Variants in NRXN1 observed in about 807,000 individuals in gnomAD.
NRXN1 encodes neurexin 1.
In NRXN1, 39 loss-of-function variants were observed where a neutral mutation model predicts 150.9. That is an observed-to-expected ratio of 0.26 (90% confidence interval 0.20 to 0.34). The LOEUF (loss-of-function observed/expected upper bound fraction) is 0.34, where lower values mean the gene tolerates loss of function less well. Among genes scored for constraint, NRXN1 ranks in the 10% least tolerant of loss-of-function variants. The pLI is 1.00. For missense variants in NRXN1, 1,815 were observed against 1,949.9 expected (o/e 0.93, Z 1.30); for synonymous variants, 924 against 757.0 (o/e 1.22, Z -3.62).
chr2:51,004,076 A>G (rs1700402964), intron 2 of NRXN1, among the ~76,000 whole-genome samples: 1 of 151,756 alleles, frequency 6.6e-6, no homozygotes, highest in African/African-American at 2.4e-5. Flanking sequence ...GGGGAAAAAA[A>G]AAAAAACTTA....
At chr2:50,645,085 C>T (rs564002107) in intron 5 of NRXN1, among the ~76,000 whole-genome samples, 2 of 151,918 alleles carry the variant, frequency 1.3e-5, no homozygotes, top group African/African-American at 4.8e-5. Context: ...AAGAGTCACC[C>T]CAGTCACTAA....
chr2:50,279,167 G>C (rs774756646), intron 17 of NRXN1, among the ~76,000 whole-genome samples: 1 of 152,112 alleles, frequency 6.6e-6, no homozygotes, highest in Admixed American at 6.5e-5. Context: ...GTTACTACTT[G>C]TACCTTTTCC....
chr2:50,294,256 G>C (rs550792783), intron 17 of NRXN1, among the ~76,000 whole-genome samples: 11 of 152,264 alleles, frequency 7.2e-5, no homozygotes, highest in African/African-American at 2.4e-4. Flanking sequence ...TTGCCAGGTA[G>C]TTATCTGTAT....
In NRXN1 at chr2:50,662,960, A is replaced by G. The variant is rs117418299; in HGVS notation, c.833-39345T>C. Among the ~76,000 whole-genome samples, 101 of 152,140 alleles carry G rather than the reference A, an allele frequency of 6.6e-4. 1 individual carries two copies. The East Asian group carries it at 0.019, about 28-fold the overall frequency. ...ATTCTCATTTATTTGACCTGGCAAG[A>G]CATCCAGAAAGCCTAATTTTTAACA... On this transcript the variant is annotated intron_variant, in intron 5 of 22. Transcript: ENST00000401669.
intron 2 of NRXN1, among the ~76,000 whole-genome samples, chr2:50,947,230 C>T (rs989035568): frequency 2.0e-5 from 3 of 151,912 alleles, no homozygotes; most frequent in Non-Finnish European, 2.9e-5. Context: ...AACATGATAC[C>T]CTTTTTCTAG....
chr2:50,888,064 CAA>C lies in NRXN1; in HGVS notation c.832+33803_832+33804del, dbSNP rs199716943. On this transcript the variant is annotated intron_variant, in intron 5 of 22. Coordinates refer to ENST00000401669, the MANE Select transcript of NRXN1 (RefSeq NM_001330078.2). ...TGGTCACCATTTCTACACTGAGAAA[CAA>C]TGATATCTGTCTTAATCTTTCAAGA... Among the ~76,000 whole-genome samples, 1,486 of 150,996 alleles carry C rather than the reference CAA, an allele frequency of 9.8e-3. 27 individuals carry two copies. The highest frequency in any genetic ancestry group is 0.034 in the African/African-American group (1,391 of 41,294).
chr2:50,090,403 T>C (rs565550000), intron 19 of NRXN1, among the ~76,000 whole-genome samples: 1 of 152,302 alleles, frequency 6.6e-6, no homozygotes, highest in South Asian at 2.1e-4. Context: ...TTTTTCTTTA[T>C]ACTGTGTTAT....
intron 5 of NRXN1, among the ~76,000 whole-genome samples, chr2:50,897,906 C>A (rs1443926503): frequency 6.6e-6 from 1 of 151,812 alleles, no homozygotes; most frequent in Non-Finnish European, 1.5e-5. Flanking sequence ...CTGTATTCCT[C>A]CATAAAATTG....
At chr2:50,806,842 C>A (rs976573796) in intron 5 of NRXN1, among the ~76,000 whole-genome samples, 3 of 152,016 alleles carry the variant, frequency 2.0e-5, no homozygotes, top group African/African-American at 7.2e-5. Flanking sequence ...TTGAATATAA[C>A]CTCTTTTGTA....
chr2:50,978,749 C>T (rs1696315032), intron 2 of NRXN1, among the ~76,000 whole-genome samples: 1 of 151,974 alleles, frequency 6.6e-6, no homozygotes, highest in African/African-American at 2.4e-5. Flanking sequence ...CAAATCACTT[C>T]ACACTTCTTT....
intron 17 of NRXN1, among the ~76,000 whole-genome samples, chr2:50,446,148 G>C (rs1352599264): frequency 6.6e-6 from 1 of 151,996 alleles, no homozygotes; most frequent in East Asian, 1.9e-4. Flanking sequence ...AAAGAAAGGT[G>C]TGCCTTCATC....
intron 21 of NRXN1, among the ~76,000 whole-genome samples, chr2:49,968,005 T>C (rs781065931): frequency 5.9e-5 from 9 of 152,072 alleles, no homozygotes; most frequent in South Asian, 2.1e-4. Context: ...AATAATACTA[T>C]TGATGACCAT....
intron 22 of NRXN1, among the ~76,000 whole-genome samples, chr2:49,928,042 G>A (rs112937097): frequency 2.6e-5 from 4 of 151,786 alleles, no homozygotes; most frequent in African/African-American, 9.7e-5. Flanking sequence ...TGATGACAAT[G>A]GAAATTCAGC....
chr2:50,790,948 C>T (rs1165847280), intron 5 of NRXN1, among the ~76,000 whole-genome samples: 8 of 151,918 alleles, frequency 5.3e-5, no homozygotes, highest in Admixed American at 5.2e-4. Flanking sequence ...TGGAGCACTT[C>T]AGATTTCAGA....
At chr2:50,387,305 G>A (rs1027100056) in intron 17 of NRXN1, among the ~76,000 whole-genome samples, 5 of 152,110 alleles carry the variant, frequency 3.3e-5, no homozygotes, top group African/African-American at 4.8e-5. Context: ...CAATTATAAT[G>A]GACTTCAGGG....
At chr2:50,048,232 CAA>C (rs1368994577) in intron 21 of NRXN1, among the ~76,000 whole-genome samples, 4 of 152,046 alleles carry the variant, frequency 2.6e-5, no homozygotes, top group Non-Finnish European at 5.9e-5. Context: ...AAATACACAT[CAA>C]AGTGTTTTTC....
At chr2:50,062,772 G>A (rs1294837138) in intron 19 of NRXN1, among the ~76,000 whole-genome samples, 8 of 152,030 alleles carry the variant, frequency 5.3e-5, no homozygotes, top group African/African-American at 1.7e-4. Context: ...TTTCATTTTA[G>A]TTCTTCACTC....
chr2:50,228,960 C>T (rs1665080828), intron 18 of NRXN1, among the ~76,000 whole-genome samples: 1 of 152,004 alleles, frequency 6.6e-6, no homozygotes, highest in African/African-American at 2.4e-5. Flanking sequence ...ATCCCTAGTT[C>T]TGGTCTAGCA....
intron 2 of NRXN1, among the ~76,000 whole-genome samples, chr2:50,949,764 G>A (rs1444341917): frequency 6.6e-6 from 1 of 152,032 alleles, no homozygotes; most frequent in Non-Finnish European, 1.5e-5. Flanking sequence ...AGCTTTTACC[G>A]GCACAGCCAG....
Sources: allele counts gnomAD v4.1 joint callset (sites outside exome capture counted in the v4.1 genomes callset), GRCh38; gene constraint gnomAD v4.1.1; transcripts MANE v1.5; gene names NCBI Gene and HGNC (gene_info 2026-07-23, HGNC 2026-07-21).